Variants in ZBTB20 observed in about 807,000 individuals in gnomAD.
ZBTB20 encodes zinc finger and BTB domain-containing protein 20.
Under a neutral mutation model 56.9 loss-of-function variants are expected in ZBTB20, and 9 were observed. That is an observed-to-expected ratio of 0.16 (90% CI 0.10 to 0.28). The LOEUF (loss-of-function observed/expected upper bound fraction) is 0.28, where lower values mean the gene tolerates loss of function less well. ZBTB20 is among the 10% of genes least tolerant of loss of function. The pLI is 1.00. For missense variants in ZBTB20, 655 were observed against 1,003.0 expected (o/e 0.65, Z 4.69); for synonymous variants, 417 against 420.7 (o/e 0.99, Z 0.11).
chr3:115,078,012 T>G (rs1485427349), intron 1 of ZBTB20, among the ~76,000 whole-genome samples: 1 of 152,144 alleles, frequency 6.6e-6, no homozygotes, highest in Admixed American at 6.5e-5. Context: ...AGCCTCAATT[T>G]GTAGATAAGG....
At chr3:114,748,646 C>T (rs2067307370) in intron 5 of ZBTB20, among the ~76,000 whole-genome samples, 1 of 152,016 alleles carries the variant, frequency 6.6e-6, no homozygotes, top group Admixed American at 6.6e-5. Flanking sequence ...AAGAGGAAAG[C>T]CAGGCTTGGG....
chr3:115,105,169 G>A lies in ZBTB20; in HGVS notation c.-702-33755C>T, dbSNP rs138715557. Among the ~76,000 whole-genome samples the A allele has an allele frequency of 6.1e-5, 9 of 147,380 alleles. No individual in the cohort carries two copies. The East Asian group carries it at 1.2e-3, about 19-fold the overall frequency. On this transcript the variant is annotated intron_variant, in intron 1 of 11. Coordinates refer to ENST00000675478, the MANE Select transcript of ZBTB20 (RefSeq NM_001348800.3). ...CTAAAAATAACAAATTTAAAAGGAC[G>A]GAATTGAACAGCGTATCATAATAAT...
intron 6 of ZBTB20, among the ~76,000 whole-genome samples, chr3:114,686,362 G>A (rs74352562): frequency 0.023 from 3,522 of 152,286 alleles, 116 homozygotes; most frequent in African/African-American, 0.076. Flanking sequence ...ACCTAGGGAA[G>A]CCTAGGAAAT....
intron 2 of ZBTB20, among the ~76,000 whole-genome samples, chr3:115,033,661 C>T (rs2080797291): frequency 6.6e-6 from 1 of 151,474 alleles, no homozygotes; most frequent in African/African-American, 2.4e-5. Context: ...GGCATATATA[C>T]ATAATGAAGT....
intron 1 of ZBTB20, among the ~76,000 whole-genome samples, chr3:115,105,819 G>A (rs1419153092): frequency 5.3e-5 from 8 of 151,640 alleles, no homozygotes; most frequent in Non-Finnish European, 1.0e-4. Flanking sequence ...TATTTTGGGG[G>A]TTTTGTTTGT....
chr3:114,647,246 C>A (rs1267803293), intron 6 of ZBTB20, among the ~76,000 whole-genome samples: 1 of 152,192 alleles, frequency 6.6e-6, no homozygotes, highest in Non-Finnish European at 1.5e-5. Context: ...GCGTGAGCCA[C>A]CAAGCCCGGC....
chr3:114,825,909 A>G (rs2073499881), intron 4 of ZBTB20, among the ~76,000 whole-genome samples: 1 of 151,840 alleles, frequency 6.6e-6, no homozygotes, highest in Non-Finnish European at 1.5e-5. Context: ...TAAATGAATC[A>G]GACTTGTCAG....
intron 4 of ZBTB20, among the ~76,000 whole-genome samples, chr3:114,808,576 A>T (rs904376818): frequency 3.3e-5 from 5 of 151,510 alleles, no homozygotes; most frequent in African/African-American, 1.2e-4. Flanking sequence ...TTTTTCCTTG[A>T]TCAGTCTAGC....
intron 5 of ZBTB20, among the ~76,000 whole-genome samples, chr3:114,787,331 T>TTATA (rs138181405): frequency 0.013 from 1,264 of 100,340 alleles, 12 homozygotes; most frequent in Non-Finnish European, 0.015. Flanking sequence ...TCTTAAAAGG[T>TTATA]TATATATATA....
At chr3:115,033,672 A>T (rs2108357494) in intron 2 of ZBTB20, among the ~76,000 whole-genome samples, 1 of 151,798 alleles carries the variant, frequency 6.6e-6, no homozygotes, top group Admixed American at 6.6e-5. Context: ...ATAATGAAGT[A>T]CTATTCAGCA....
At chr3:114,903,630 G>A (rs2107678502) in intron 3 of ZBTB20, among the ~76,000 whole-genome samples, 1 of 152,152 alleles carries the variant, frequency 6.6e-6, no homozygotes, top group Admixed American at 6.6e-5. Flanking sequence ...AGGCAGTAAA[G>A]TCTAAATAAT....
At chr3:114,383,597 C>T (rs2084668422) in intron 8 of ZBTB20, 1 of 152,156 alleles carries the variant, frequency 6.6e-6, no homozygotes, top group East Asian at 1.9e-4. Context: ...CCTTATTTGT[C>T]TTATATCACT....
At chr3:114,688,494 AAC>A (rs1303979606) in intron 6 of ZBTB20, 1 of 152,172 alleles carries the variant, frequency 6.6e-6, no homozygotes, top group African/African-American at 2.4e-5. Flanking sequence ...GCAAAACTGA[AAC>A]ACACTTCTAG....
chr3:114,531,839 C>T (rs1577333393), intron 6 of ZBTB20, among the ~76,000 whole-genome samples: 1 of 152,088 alleles, frequency 6.6e-6, no homozygotes, highest in Non-Finnish European at 1.5e-5. Context: ...CCACAGAGGG[C>T]AAGCCAAAGC....
Position 114,815,800 on chromosome 3 carries a change from G to T in ZBTB20, c.-416-14626C>A, listed in dbSNP as rs151020455. ...ACCATTTCTCCGAAATAATATGGAG[G>T]TTAGAAGTAGCTTCTAGATGAACAA... On this transcript the variant is annotated intron_variant, in intron 4 of 11. Coordinates refer to ENST00000675478, the MANE Select transcript of ZBTB20 (RefSeq NM_001348800.3). 2.6e-3 allele frequency among the ~76,000 whole-genome samples: 395 copies of T among 152,208 alleles called. 1 individual carries two copies. The highest frequency in any genetic ancestry group is 9.0e-3 in the African/African-American group (372 of 41,522).
chr3:114,712,757 A>G (rs2064182864), intron 5 of ZBTB20, among the ~76,000 whole-genome samples: 1 of 152,256 alleles, frequency 6.6e-6, no homozygotes, highest in African/African-American at 2.4e-5. Flanking sequence ...AGCCTTTTCA[A>G]ATATAATAAG....
intron 6 of ZBTB20, chr3:114,624,889 G>C (rs2058564139): frequency 2.6e-5 from 4 of 152,546 alleles, no homozygotes; most frequent in African/African-American, 9.7e-5. Context: ...TTTCTGCTCG[G>C]GAGGCTGAGG....
At position 114,569,419 on chromosome 3, in the gene ZBTB20, TG is replaced by T. The variant is rs1559972734; in HGVS notation, c.-294-69029del. 2.0e-5 allele frequency among the ~76,000 whole-genome samples: 3 copies of T among 152,178 alleles called. No homozygotes were observed. In the South Asian group the frequency reaches 6.2e-4, roughly 32 times the overall value. ...AGGACCAACAAACTTTGCCACGAAG[TG>T]TTTGGCAGACATTCAGTTTCTTAAC... On this transcript the variant is annotated intron_variant, in intron 6 of 11. Coordinates refer to ENST00000675478, the MANE Select transcript of ZBTB20 (RefSeq NM_001348800.3).
intron 2 of ZBTB20, among the ~76,000 whole-genome samples, chr3:115,042,106 G>GC (rs2081168371): frequency 6.6e-6 from 1 of 151,846 alleles, no homozygotes; most frequent in Admixed American, 6.6e-5. Flanking sequence ...CTGAGACCAT[G>GC]CCATTTTAGC....
Sources: gnomAD v4.1 joint callset for allele counts (sites outside exome capture counted in the v4.1 genomes callset) on GRCh38, gnomAD v4.1.1 for gene constraint, MANE v1.5 for transcripts, NCBI Gene and HGNC (gene_info 2026-07-23, HGNC 2026-07-21) for gene names.